Variants in FOXP2 observed in about 807,000 individuals in gnomAD.
The protein encoded by FOXP2 is forkhead box protein P2.
Under a neutral mutation model 115.8 loss-of-function variants are expected in FOXP2, and 12 were observed. The observed-to-expected ratio is 0.10, with a 90% CI of 0.07 to 0.17. The LOEUF is 0.17. Ranked by LOEUF, FOXP2 falls within the 10% of genes least tolerant of loss-of-function variation. The pLI, the probability that FOXP2 is intolerant of heterozygous loss-of-function variation, is 1.00. For synonymous variants in FOXP2, 328 were observed against 297.7 expected (o/e 1.10, Z -1.05); for missense variants, 629 against 843.5 (o/e 0.75, Z 3.15).
chr7:114,189,644 A>G (rs1394763653), intron 1 of FOXP2, among the ~76,000 whole-genome samples: 4 of 152,196 alleles, frequency 2.6e-5, no homozygotes, highest in Admixed American at 2.6e-4. Context: ...AAAATGAGAA[A>G]CAGTAATATA....
chr7:114,195,938 G>A (rs1793892441), intron 1 of FOXP2, among the ~76,000 whole-genome samples: 2 of 152,136 alleles, frequency 1.3e-5, no homozygotes, highest in Non-Finnish European at 2.9e-5. Flanking sequence ...ACAACACAGT[G>A]AGACCTCATC....
chr7:114,357,570 G>A (rs1791645973), intron 2 of FOXP2, among the ~76,000 whole-genome samples: 1 of 152,054 alleles, frequency 6.6e-6, no homozygotes, highest in Admixed American at 6.6e-5. Context: ...AGGACCACAC[G>A]GTTCTTTGGC....
intron 1 of FOXP2, among the ~76,000 whole-genome samples, chr7:114,281,618 G>T (rs1796338575): frequency 2.0e-5 from 3 of 151,778 alleles, no homozygotes; most frequent in African/African-American, 7.3e-5. Flanking sequence ...ATTAATTTTT[G>T]ATTTTTACAT....
chr7:114,608,374 A>T (rs1187666425), intron 3 of FOXP2, among the ~76,000 whole-genome samples: 1 of 152,088 alleles, frequency 6.6e-6, no homozygotes, highest in African/African-American at 2.4e-5. Context: ...AATATGATTG[A>T]GGTCTTGGTT....
chr7:114,355,222 C>G (rs1791592728), intron 2 of FOXP2, among the ~76,000 whole-genome samples: 1 of 152,092 alleles, frequency 6.6e-6, no homozygotes, highest in African/African-American at 2.4e-5. Flanking sequence ...TCTAGCTTGA[C>G]CTCTGTGGGC....
At chr7:114,387,809 A>T (rs986308911) in intron 2 of FOXP2, among the ~76,000 whole-genome samples, 1 of 152,294 alleles carries the variant, frequency 6.6e-6, no homozygotes, top group African/African-American at 2.4e-5. Flanking sequence ...AATTAATTTA[A>T]AATCCATTAG....
chr7:114,344,213 A>AT (rs988311543), intron 2 of FOXP2, among the ~76,000 whole-genome samples: 7 of 151,810 alleles, frequency 4.6e-5, no homozygotes, highest in South Asian at 2.1e-4. Context: ...TACACCTGTG[A>AT]TTTTTGGCTT....
chr7:114,233,305 A>T (rs1020527027), intron 1 of FOXP2, among the ~76,000 whole-genome samples: 3 of 152,222 alleles, frequency 2.0e-5, no homozygotes, highest in African/African-American at 7.2e-5. Context: ...TCATCATTTC[A>T]TCTTTATCCT....
At chr7:114,172,364 A>G (rs1793170518) in intron 1 of FOXP2, among the ~76,000 whole-genome samples, 1 of 152,198 alleles carries the variant, frequency 6.6e-6, no homozygotes, top group South Asian at 2.1e-4. Context: ...AGAGAGAAAT[A>G]AATAGGCAGA....
chr7:114,230,509 A>G (rs547553483), intron 1 of FOXP2, among the ~76,000 whole-genome samples: 2 of 152,170 alleles, frequency 1.3e-5, no homozygotes, highest in East Asian at 3.9e-4. Context: ...CAGCACATTA[A>G]AAGAATCATG....
chr7:114,158,257 G>A (rs1792724166), upstream of FOXP2, among the ~76,000 whole-genome samples: 1 of 152,044 alleles, frequency 6.6e-6, no homozygotes, highest in African/African-American at 2.4e-5. Context: ...TGTTGTACTT[G>A]GTTGTCAGGT....
At chr7:114,169,309 G>T (rs1442110357) in intron 1 of FOXP2, among the ~76,000 whole-genome samples, 1 of 152,218 alleles carries the variant, frequency 6.6e-6, no homozygotes, top group East Asian at 1.9e-4. Flanking sequence ...AAGCCACAGG[G>T]GCAGAGCTGC....
chr7:114,231,260 TGGA>T (rs1794869339), intron 1 of FOXP2, among the ~76,000 whole-genome samples: 2 of 152,146 alleles, frequency 1.3e-5, no homozygotes, highest in African/African-American at 4.8e-5. Flanking sequence ...CTCATTTTTA[TGGA>T]TTAGAAGAAT....
At chr7:114,582,976 T>C (rs1012071872) in intron 3 of FOXP2, among the ~76,000 whole-genome samples, 3 of 152,140 alleles carry the variant, frequency 2.0e-5, no homozygotes, top group East Asian at 1.9e-4. Flanking sequence ...TTTCTTGCTG[T>C]TTATGAAATT....
intron 3 of FOXP2, among the ~76,000 whole-genome samples, chr7:114,614,725 T>A (rs1185575014): frequency 1.3e-5 from 2 of 152,090 alleles, no homozygotes; most frequent in African/African-American, 4.8e-5. Flanking sequence ...TCAGAAGACA[T>A]AACGGAAGAA....
intron 1 of FOXP2, among the ~76,000 whole-genome samples, chr7:114,128,422 CT>C (rs775767541): frequency 0.035 from 4,684 of 135,374 alleles, 106 homozygotes; most frequent in African/African-American, 0.082. Context: ...TTTTAAATTT[CT>C]TTTTTTTTTT....
intron 2 of FOXP2, among the ~76,000 whole-genome samples, chr7:114,346,015 T>G (rs1791338160): frequency 6.6e-6 from 1 of 151,848 alleles, no homozygotes; most frequent in African/African-American, 2.4e-5. Flanking sequence ...AATTTACATT[T>G]TATTCACAAA....
intron 3 of FOXP2, among the ~76,000 whole-genome samples, chr7:114,580,592 A>AAAAAC (rs1274150693): frequency 1.3e-5 from 2 of 152,158 alleles, no homozygotes; most frequent in East Asian, 1.9e-4. Flanking sequence ...AAACAAAAAC[A>AAAAAC]AAAACAAAAC....
At chr7:114,331,253 C>A (rs188062810) in intron 2 of FOXP2, among the ~76,000 whole-genome samples, 60 of 152,248 alleles carry the variant, frequency 3.9e-4, no homozygotes, top group African/African-American at 1.3e-3. Context: ...ACAAAATATA[C>A]TACCTGAGCC....
Sources: allele counts gnomAD v4.1 joint callset (sites outside exome capture counted in the v4.1 genomes callset), GRCh38; gene constraint gnomAD v4.1.1; transcripts MANE v1.5; gene names NCBI Gene and HGNC (gene_info 2026-07-23, HGNC 2026-07-21).